DTWD2: variants seen among roughly 807,000 people sequenced by gnomAD.
The protein encoded by DTWD2 is tRNA-uridine aminocarboxypropyltransferase 2.
In DTWD2, 39 loss-of-function variants were observed where a neutral mutation model predicts 31.8. That is an observed-to-expected ratio of 1.22 (90% CI 0.95 to 1.60). The LOEUF (loss-of-function observed/expected upper bound fraction) is 1.60, where lower values mean the gene tolerates loss of function less well. Among genes scored for constraint, DTWD2 ranks in the 40% most tolerant of loss-of-function variants. The pLI is 0.00. For synonymous variants in DTWD2, 180 were observed against 142.8 expected, an observed-to-expected ratio of 1.26 and a Z score of -1.86; for missense variants, 515 against 381.5, an observed-to-expected ratio of 1.35 and a Z score of -2.92.
chr5:118,907,906 C>T (rs1000110073), intron 4 of DTWD2, among the ~76,000 whole-genome samples: 5 of 152,034 alleles, frequency 3.3e-5, no homozygotes, highest in African/African-American at 7.2e-5. Context: ...CTGCTTTACT[C>T]GATCAATAAA....
chr5:118,953,870 T>C (rs561392370), intron 1 of DTWD2, among the ~76,000 whole-genome samples: 2 of 152,314 alleles, frequency 1.3e-5, no homozygotes, highest in East Asian at 3.9e-4. Context: ...AGTAGTCTTA[T>C]GCACCTGAGT....
intron 1 of DTWD2, among the ~76,000 whole-genome samples, chr5:118,972,241 G>A (rs985493651): frequency 6.6e-6 from 1 of 152,104 alleles, no homozygotes; most frequent in East Asian, 1.9e-4. Context: ...TAATAAAGAA[G>A]AAAAGGTGGA....
chr5:118,889,772 T>C (rs1313228695), intron 4 of DTWD2, among the ~76,000 whole-genome samples: 1 of 152,162 alleles, frequency 6.6e-6, no homozygotes, highest in Non-Finnish European at 1.5e-5. Context: ...TAGTGTGATG[T>C]AAGAAAGTGA....
chr5:118,939,407 T>C (rs1754130568), intron 2 of DTWD2, 117 bp from the exon 3 acceptor site: 2 of 859,832 alleles, frequency 2.3e-6, no homozygotes, highest in Non-Finnish European at 3.3e-6. Context: ...AGTCTTTTAC[T>C]AAAGACCACA....
chr5:118,870,374 G>A (rs991990594), intron 4 of DTWD2, among the ~76,000 whole-genome samples: 1 of 152,126 alleles, frequency 6.6e-6, no homozygotes, highest in South Asian at 2.1e-4. Context: ...TGAAACACTT[G>A]ATTGGTTGGT....
chr5:118,978,714 G>A (rs181025945), intron 1 of DTWD2, among the ~76,000 whole-genome samples: 47 of 152,246 alleles, frequency 3.1e-4, no homozygotes, highest in Admixed American at 2.1e-3. Context: ...CTATCAAAAC[G>A]TCAACAAATG....
intron 4 of DTWD2, among the ~76,000 whole-genome samples, chr5:118,895,531 C>T (rs1367408891): frequency 6.6e-6 from 1 of 152,104 alleles, no homozygotes; most frequent in African/African-American, 2.4e-5. Flanking sequence ...CATATGGAAC[C>T]ACAAAAGATG....
At position 118,839,336 on chromosome 5, in the gene DTWD2, T is replaced by C. The variant is rs1015575609; in HGVS notation, c.*1581A>G. The C allele has an allele frequency of 4.6e-5, 7 of 152,068 alleles. No individual in the cohort carries two copies. The highest frequency in any genetic ancestry group is 1.3e-4 in the Admixed American group (2 of 15,256). 9.4% of individuals were successfully genotyped at this position (152,068 alleles called of 1,614,324 possible). A position where few individuals can be genotyped will look rare whatever the true frequency, so the allele number is the denominator to read the frequency against. On this transcript the variant is annotated 3_prime_UTR_variant, in exon 6 of 6. Transcript: ENST00000510708. ...ATCATTTGATATTAAGTGCTTTACA[T>C]TGTAAATGAGCTAGTTTGTTTATTT... is the stretch of plus-strand genomic sequence containing the variant.
intron 1 of DTWD2, among the ~76,000 whole-genome samples, chr5:118,958,795 A>C (rs984534921): frequency 6.6e-6 from 1 of 152,230 alleles, no homozygotes; most frequent in African/African-American, 2.4e-5. Flanking sequence ...AGAATGGTTC[A>C]ATATACGCAA....
At chr5:118,916,415 C>T (rs1753578325) in intron 4 of DTWD2, among the ~76,000 whole-genome samples, 1 of 152,122 alleles carries the variant, frequency 6.6e-6, no homozygotes, top group South Asian at 2.1e-4. Flanking sequence ...TCTGTGATCC[C>T]AGCACTTTGG....
intron 4 of DTWD2, among the ~76,000 whole-genome samples, chr5:118,910,794 G>C (rs1580801250): frequency 6.6e-6 from 1 of 152,306 alleles, no homozygotes; most frequent in East Asian, 1.9e-4. Context: ...CGGGAGCAGA[G>C]TCTGAGAAGT....
At chr5:118,921,985 G>T (rs1401657898) in intron 4 of DTWD2, among the ~76,000 whole-genome samples, 1 of 152,198 alleles carries the variant, frequency 6.6e-6, no homozygotes, top group Non-Finnish European at 1.5e-5. Flanking sequence ...TATCAAGCGA[G>T]AAATTAAGCT....
In DTWD2 at chr5:118,840,973, T is replaced by C; in HGVS notation, c.841A>G (p.Lys281Glu). Residue 281 changes from lysine (K) to glutamate (E), a missense_variant, in exon 6 of 6, where the codon AAG becomes GAG. Physicochemically the swap from Lys to Glu is moderately conservative, Grantham distance 56 (BLOSUM62 1). Transcript: ENST00000510708. ...KNGLYPKPMPKNKRKLRKMEL... is the reference protein window; with the variant it reads ...KNGLYPKPMPENKRKLRKMEL... The stretch of plus-strand genomic sequence containing the variant: ...ATTTTCCTGAGTTTGCGTTTGTTCT[T>C]TGGCATTGGTTTAGGATATAATCCA... The C allele has an allele frequency of 6.2e-7, 1 of 1,613,854 alleles. No individual in the cohort carries two copies. Among genetic ancestry groups the C allele is most frequent in the Non-Finnish European group, 8.5e-7 (1 of 1,179,826 alleles).
intron 4 of DTWD2, among the ~76,000 whole-genome samples, chr5:118,870,268 T>A (rs1363936665): frequency 6.6e-6 from 1 of 152,256 alleles, no homozygotes; most frequent in Non-Finnish European, 1.5e-5. Flanking sequence ...ACGTTTACTA[T>A]AGCACTGCTT....
chr5:118,946,314 A>T (rs1754337823), intron 1 of DTWD2, among the ~76,000 whole-genome samples: 1 of 152,094 alleles, frequency 6.6e-6, no homozygotes, highest in Non-Finnish European at 1.5e-5. Flanking sequence ...GAGATTTTTG[A>T]GATGGAAAGT....
intron 4 of DTWD2, among the ~76,000 whole-genome samples, chr5:118,914,204 T>C (rs1337731521): frequency 6.6e-6 from 1 of 152,214 alleles, no homozygotes; most frequent in Non-Finnish European, 1.5e-5. Context: ...TAGGGTCTAA[T>C]GTAAGCATTT....
chr5:118,856,764 C>T (rs867641934), intron 4 of DTWD2, among the ~76,000 whole-genome samples: 20 of 44,346 alleles, frequency 4.5e-4, no homozygotes, highest in Admixed American at 1.9e-3. Flanking sequence ...TTGAGGCTTA[C>T]TTTTTTTTTT....
Position 118,840,995 on chromosome 5 carries a change from T to C in DTWD2, c.819A>G (p.Gly273=), listed in dbSNP as rs562887709. Reference sequence around the variant, plus strand: ...TCTTTGGCATTGGTTTAGGATATAATCCATTTTTCAGAAGGTGTTCCTTGC... The same window carrying C: ...TCTTTGGCATTGGTTTAGGATATAACCCATTTTTCAGAAGGTGTTCCTTGC... ...RLSKEHLLKN[G]LYPKPMPKNK... is the part of the protein sequence containing the mutation. The change falls in exon 6 of 6, where the codon GGA becomes GGG. Residue 273 remains glycine, a synonymous_variant. Transcript: ENST00000510708. 3.1e-6 allele frequency: 5 copies of C among 1,613,876 alleles called. No homozygotes were observed. Among genetic ancestry groups the C allele is most frequent in the East Asian group, 4.5e-5 (2 of 44,792 alleles).
intron 1 of DTWD2, among the ~76,000 whole-genome samples, chr5:118,967,537 G>C (rs1180082784): frequency 5.9e-5 from 9 of 152,066 alleles, no homozygotes; most frequent in African/African-American, 1.9e-4. Context: ...TCTCAAAAAA[G>C]GATAAGCCTG....
Sources: gnomAD v4.1 joint callset for allele counts (sites outside exome capture counted in the v4.1 genomes callset) on GRCh38, gnomAD v4.1.1 for gene constraint, MANE v1.5 for transcripts, NCBI Gene and HGNC (gene_info 2026-07-23, HGNC 2026-07-21) for gene names.